NOL4: variants seen among roughly 807,000 people sequenced by gnomAD.
NOL4 encodes cancer/testis antigen 125.
Under a neutral mutation model 75.9 loss-of-function variants are expected in NOL4, and 17 were observed. The observed-to-expected ratio is 0.22, with a 90% confidence interval of 0.15 to 0.34. The LOEUF is 0.34. NOL4 is among the 10% of genes least tolerant of loss of function. NOL4 has a pLI of 1.00. For synonymous variants in NOL4, 292 were observed against 289.9 expected, an observed-to-expected ratio of 1.01 and a Z score of -0.07; for missense variants, 614 against 793.5, an observed-to-expected ratio of 0.77 and a Z score of 2.72.
At chr18:33,939,700 A>G (rs1446637398) in intron 9 of NOL4, among the ~76,000 whole-genome samples, 1 of 152,156 alleles carries the variant, frequency 6.6e-6, no homozygotes, top group African/African-American at 2.4e-5. Context: ...TTCTAAATAT[A>G]CAATAATGTC....
intron 9 of NOL4, among the ~76,000 whole-genome samples, chr18:33,899,676 A>G (rs2065632303): frequency 6.6e-6 from 1 of 152,176 alleles, no homozygotes; most frequent in African/African-American, 2.4e-5. Context: ...CAGAAGCAGG[A>G]CAAGTTGCTC....
intron 2 of NOL4, among the ~76,000 whole-genome samples, chr18:34,118,258 C>T (rs1361008153): frequency 1.3e-5 from 2 of 152,000 alleles, no homozygotes; most frequent in African/African-American, 4.8e-5. Context: ...AAGAATTTGC[C>T]CTTAAGGCCA....
At chr18:34,070,956 T>A (rs1002247510) in intron 5 of NOL4, among the ~76,000 whole-genome samples, 1 of 152,130 alleles carries the variant, frequency 6.6e-6, no homozygotes, top group East Asian at 1.9e-4. Context: ...AATTTTAAAA[T>A]TCTTACATTA....
chr18:34,172,134 C>A (rs1458132352), intron 1 of NOL4, among the ~76,000 whole-genome samples: 1 of 152,010 alleles, frequency 6.6e-6, no homozygotes, highest in Admixed American at 6.6e-5. Context: ...GGTATTCTAA[C>A]ATAAACGTAA....
chr18:33,889,805 G>T (rs1345098865), intron 9 of NOL4, among the ~76,000 whole-genome samples: 4 of 152,122 alleles, frequency 2.6e-5, no homozygotes, highest in African/African-American at 4.8e-5. Flanking sequence ...TATATCAATA[G>T]ATGCAGAAAA....
chr18:34,157,091 G>A (rs2030552231), intron 1 of NOL4: 1 of 151,900 alleles, frequency 6.6e-6, no homozygotes, highest in South Asian at 2.1e-4. Flanking sequence ...CTTCATTTTG[G>A]TTTAACACAT....
chr18:34,191,134 G>A (rs891216220), intron 1 of NOL4, among the ~76,000 whole-genome samples: 11 of 152,028 alleles, frequency 7.2e-5, no homozygotes, highest in African/African-American at 1.4e-4. Context: ...ATTTCAGGTC[G>A]TGGACATGTG....
At chr18:34,216,901 T>G (rs1029067601) in intron 1 of NOL4, among the ~76,000 whole-genome samples, 1 of 152,044 alleles carries the variant, frequency 6.6e-6, no homozygotes, top group African/African-American at 2.4e-5. Context: ...TATTTCTTCT[T>G]TTGTCGCATT....
At position 34,213,113 on chromosome 18, in the gene NOL4, G is replaced by A. The variant is rs1362805255; in HGVS notation, c.264+9877C>T. Among the ~76,000 whole-genome samples the A allele has an allele frequency of 2.6e-5, 4 of 152,066 alleles. No homozygotes were observed. The South Asian group carries it at 8.3e-4, about 32-fold the overall frequency. ...ATCCTAGGATTCTGACCACCACAAT[G>A]TACAAAACACTGAAGAACCCTTCAT... On this transcript the variant is annotated intron_variant, in intron 1 of 10. Coordinates refer to ENST00000261592, the MANE Select transcript of NOL4 (RefSeq NM_003787.5).
intron 5 of NOL4, among the ~76,000 whole-genome samples, chr18:34,028,415 C>A (rs2075459957): frequency 1.3e-5 from 2 of 152,150 alleles, no homozygotes; most frequent in Non-Finnish European, 2.9e-5. Context: ...TTGAATATAT[C>A]ATTTGGTTGT....
intron 3 of NOL4, among the ~76,000 whole-genome samples, chr18:34,104,470 T>C (rs926509722): frequency 1.3e-5 from 2 of 152,054 alleles, no homozygotes; most frequent in African/African-American, 4.8e-5. Flanking sequence ...TTACTTTCTA[T>C]ATGTATTTTT....
chr18:34,079,554 C>A (rs751812215), intron 5 of NOL4, among the ~76,000 whole-genome samples: 18 of 152,088 alleles, frequency 1.2e-4, no homozygotes, highest in Non-Finnish European at 2.1e-4. Context: ...AGTAATGAGA[C>A]ACACACTTGC....
chr18:34,130,331 A>G (rs1202055083), intron 1 of NOL4, among the ~76,000 whole-genome samples: 1 of 152,094 alleles, frequency 6.6e-6, no homozygotes, highest in East Asian at 1.9e-4. Context: ...ATTATTTTAA[A>G]ATATATTTTG....
chr18:34,168,040 A>G (rs541004253), intron 1 of NOL4, among the ~76,000 whole-genome samples: 1 of 152,068 alleles, frequency 6.6e-6, no homozygotes, highest in Non-Finnish European at 1.5e-5. Flanking sequence ...AGTCACTTTA[A>G]TATCTTTTTT....
At chr18:34,154,771 G>A (rs2030044313) in intron 1 of NOL4, among the ~76,000 whole-genome samples, 1 of 151,836 alleles carries the variant, frequency 6.6e-6, no homozygotes, top group Non-Finnish European at 1.5e-5. Context: ...CTCTCTAGCA[G>A]TATACTAACA....
At chr18:33,869,533 G>A (rs1333877287) in intron 10 of NOL4, among the ~76,000 whole-genome samples, 2 of 151,974 alleles carry the variant, frequency 1.3e-5, no homozygotes, top group African/African-American at 2.4e-5. Flanking sequence ...TGGAAGTCTA[G>A]CAAATAGTAG....
chr18:33,938,793 T>C (rs1255292377), intron 9 of NOL4, among the ~76,000 whole-genome samples: 1 of 152,210 alleles, frequency 6.6e-6, no homozygotes, highest in Non-Finnish European at 1.5e-5. Context: ...AGATGCCATT[T>C]GTCAATTTTG....
At chr18:34,104,831 A>G (rs1245204334) in intron 3 of NOL4, among the ~76,000 whole-genome samples, 1 of 152,002 alleles carries the variant, frequency 6.6e-6, no homozygotes, top group African/African-American at 2.4e-5. Context: ...ACAGGGAAAA[A>G]TGTTATTTGC....
At chr18:34,136,252 C>T (rs1162126207) in intron 1 of NOL4, among the ~76,000 whole-genome samples, 1 of 152,120 alleles carries the variant, frequency 6.6e-6, no homozygotes, top group African/African-American at 2.4e-5. Context: ...TTGTGAGAGA[C>T]TGAATGCTTT....
Sources: gnomAD v4.1 joint callset for allele counts (sites outside exome capture counted in the v4.1 genomes callset) on GRCh38, gnomAD v4.1.1 for gene constraint, MANE v1.5 for transcripts, NCBI Gene and HGNC (gene_info 2026-07-23, HGNC 2026-07-21) for gene names.